The following CGNL1 variants were observed in gnomAD, a reference collection of about 807,000 sequenced individuals.
CGNL1 encodes cingulin like 1, also known as cingulin-like protein 1.
Under a neutral mutation model 141.2 loss-of-function variants are expected in CGNL1, and 132 were observed. The ratio of observed to expected loss-of-function variants is 0.93; its 90% CI spans 0.81 to 1.08. The LOEUF is 1.08. Among genes scored for constraint, CGNL1 ranks in the 50% least tolerant of loss-of-function variants. The pLI, the probability that CGNL1 is intolerant of heterozygous loss-of-function variation, is 0.00. For synonymous variants in CGNL1, 690 were observed against 622.1 expected (o/e 1.11, Z -1.63); for missense variants, 1,870 against 1,588.6 (o/e 1.18, Z -3.01).
chr15:57,507,182 G>A (rs2064114652), intron 8 of CGNL1, among the ~76,000 whole-genome samples: 1 of 152,188 alleles, frequency 6.6e-6, no homozygotes, highest in Admixed American at 6.5e-5. Flanking sequence ...CATATGTCAA[G>A]ACCTGAACTA....
At chr15:57,531,298 G>T (rs560161279) in intron 13 of CGNL1, among the ~76,000 whole-genome samples, 2 of 152,178 alleles carry the variant, frequency 1.3e-5, no homozygotes, top group South Asian at 4.1e-4. Flanking sequence ...TGTCCGGAGC[G>T]TCAAGTGTTT....
intron 1 of CGNL1, among the ~76,000 whole-genome samples, chr15:57,427,175 G>T (rs2062985199): frequency 1.3e-5 from 2 of 152,296 alleles, no homozygotes; most frequent in South Asian, 4.1e-4. Context: ...CATCAACTTT[G>T]CAGGTAACAG....
At chr15:57,507,728 G>T (rs1227639360) in intron 8 of CGNL1, among the ~76,000 whole-genome samples, 2 of 152,344 alleles carry the variant, frequency 1.3e-5, no homozygotes, top group South Asian at 2.1e-4. Flanking sequence ...TGTTACAGAT[G>T]ATCTGGTTTA....
intron 8 of CGNL1, among the ~76,000 whole-genome samples, chr15:57,476,711 C>T (rs1307224326): frequency 6.6e-6 from 1 of 152,252 alleles, no homozygotes; most frequent in Non-Finnish European, 1.5e-5. Flanking sequence ...AAAAATCCCT[C>T]TGTCCGAGTC....
chr15:57,515,705 C>T (rs1222274527), intron 8 of CGNL1, among the ~76,000 whole-genome samples: 1 of 152,200 alleles, frequency 6.6e-6, no homozygotes, highest in African/African-American at 2.4e-5. Context: ...CAACAATAAC[C>T]ACCCTGAGAT....
intron 1 of CGNL1, among the ~76,000 whole-genome samples, chr15:57,405,638 T>C (rs2062706693): frequency 2.0e-5 from 3 of 152,210 alleles, no homozygotes; most frequent in Non-Finnish European, 4.4e-5. Flanking sequence ...CATAGGGCTC[T>C]TTCTGTGCCT....
chr15:57,466,134 T>C (rs2063508887), intron 8 of CGNL1, among the ~76,000 whole-genome samples: 1 of 152,246 alleles, frequency 6.6e-6, no homozygotes, highest in South Asian at 2.1e-4. Context: ...CTTCGTAGTC[T>C]GTTAGGAGAG....
chr15:57,516,659 T>C, intron 8 of CGNL1, 121 bp from the exon 9 acceptor site: 4 of 1,043,696 alleles, frequency 3.8e-6, no homozygotes, highest in Non-Finnish European at 5.6e-6. Flanking sequence ...GACCCCTGGC[T>C]CAGCACAGGG....
intron 16 of CGNL1, among the ~76,000 whole-genome samples, chr15:57,544,949 A>G (rs1226563813): frequency 2.0e-5 from 3 of 152,232 alleles, no homozygotes; most frequent in Non-Finnish European, 4.4e-5. Context: ...GTTAGAGGCC[A>G]GAAGGCTGAC....
intron 8 of CGNL1, among the ~76,000 whole-genome samples, chr15:57,484,395 T>C (rs966223077): frequency 6.6e-6 from 1 of 152,198 alleles, no homozygotes; most frequent in Admixed American, 6.5e-5. Context: ...TGTTGAGTTG[T>C]TTATAGATGT....
intron 14 of CGNL1, among the ~76,000 whole-genome samples, chr15:57,541,089 C>A (rs989124696): frequency 1.3e-5 from 2 of 152,340 alleles, no homozygotes; most frequent in Admixed American, 1.3e-4. Context: ...TTGGCCAGCT[C>A]GGGGGCCCTT....
chr15:57,521,848 G>T (rs373608798), intron 10 of CGNL1, among the ~76,000 whole-genome samples: 2 of 152,118 alleles, frequency 1.3e-5, no homozygotes, highest in Non-Finnish European at 1.5e-5. Flanking sequence ...AAGGCTGGGG[G>T]ATTCCTTTGG....
intron 3 of CGNL1, 110 bp from the exon 4 acceptor site, chr15:57,442,263 C>T (rs943498845): frequency 5.2e-5 from 24 of 464,946 alleles, no homozygotes; most frequent in Non-Finnish European, 9.4e-5. Flanking sequence ...ATTCACAGCT[C>T]CTGCAAATTA....
In CGNL1 at chr15:57,513,816, C is replaced by T. The variant is rs546064892; in HGVS notation, c.2404-2964C>T. Among the ~76,000 whole-genome samples the T allele has an allele frequency of 1.2e-4, 19 of 152,276 alleles. No individual in the cohort carries two copies. In the South Asian group the frequency reaches 3.9e-3, roughly 32 times the overall value. ...GGATTACAGGCTTGAGTCACTGTGC[C>T]CGGTCCCTTGTTTTTATTTCTCTTA... On this transcript the variant is annotated intron_variant, in intron 8 of 18. Transcript: ENST00000281282.
Position 57,380,188 on chromosome 15 carries a change from C to T in CGNL1, c.-16+3621C>T, listed in dbSNP as rs1183238071. ...AGCTGGAATTACAGGCATGCGCCAC[C>T]ATACCCCGCTTATTTTTGTATTTTT... On this transcript the variant is annotated intron_variant, in intron 1 of 18. Coordinates refer to ENST00000281282, the MANE Select transcript of CGNL1 (RefSeq NM_032866.5). Among the ~76,000 whole-genome samples, 9 of 152,284 alleles carry T rather than the reference C, an allele frequency of 5.9e-5. No homozygotes were observed. The East Asian group carries it at 1.2e-3, about 20-fold the overall frequency.
chr15:57,453,387 C>T (rs1315003645), intron 6 of CGNL1, among the ~76,000 whole-genome samples: 1 of 152,212 alleles, frequency 6.6e-6, no homozygotes, highest in Non-Finnish European at 1.5e-5. Flanking sequence ...TTATCTTCTG[C>T]ATCCAAATTC....
rs1291475942 is a variant in CGNL1, at chr15:57,435,407, G to GGTTTT, written c.-15-2578_-15-2577insGTTTT. ...TAGAAGAAATAGCTGAAATTTGCAG[G>GGTTTT]TTTTTTTGTTTTTTTTTTTTTCCTC... On this transcript the variant is annotated intron_variant, in intron 1 of 18. Transcript: ENST00000281282. Among the ~76,000 whole-genome samples the GGTTTT allele has an allele frequency of 1.5e-4, 15 of 96,864 alleles. 2 individuals are homozygous for GGTTTT. The highest frequency in any genetic ancestry group is 1.4e-4 in the Non-Finnish European group (6 of 42,874). 63.5% of individuals were successfully genotyped at this position (96,864 alleles called of 152,430 possible).
intron 4 of CGNL1, among the ~76,000 whole-genome samples, chr15:57,445,226 TC>T (rs1168385992): frequency 6.6e-6 from 1 of 152,180 alleles, no homozygotes; most frequent in Non-Finnish European, 1.5e-5. Flanking sequence ...GCCACTGTAC[TC>T]CAGCCTGGGT....
chr15:57,503,132 C>G (rs184881411), intron 8 of CGNL1, among the ~76,000 whole-genome samples: 1 of 152,230 alleles, frequency 6.6e-6, no homozygotes, highest in African/African-American at 2.4e-5. Context: ...CAGAGCCTCG[C>G]TGTAACACCA....
Sources: gnomAD v4.1 joint callset for allele counts (sites outside exome capture counted in the v4.1 genomes callset) on GRCh38, gnomAD v4.1.1 for gene constraint, MANE v1.5 for transcripts, NCBI Gene and HGNC (gene_info 2026-07-23, HGNC 2026-07-21) for gene names.